The following SMC4 variants were observed in gnomAD, a reference collection of about 807,000 sequenced individuals.
The protein encoded by SMC4 is structural maintenance of chromosomes 4, also known as structural maintenance of chromosomes protein 4.
SMC4 carries 87 observed loss-of-function variants against 145.6 expected under a neutral mutation model. The observed-to-expected ratio is 0.60, with a 90% CI of 0.50 to 0.71. The LOEUF (loss-of-function observed/expected upper bound fraction) is 0.71. SMC4 is among the 30% of genes least tolerant of loss of function. The probability of loss-of-function intolerance (pLI) is 0.00; values close to 1 mark genes in which losing one functional copy is unlikely to be tolerated. For synonymous variants in SMC4, 558 were observed against 500.7 expected (o/e 1.11, Z -1.53); for missense variants, 1,447 against 1,537.1 (o/e 0.94, Z 0.98).
At chr3:160,412,267 T>G (rs1355075767) in intron 6 of SMC4, 59 bp from the exon 7 acceptor site, 1 of 1,504,846 alleles carries the variant, frequency 6.6e-7, no homozygotes, top group African/African-American at 1.4e-5. Flanking sequence ...TTGCATATTT[T>G]AAGTTCATAT....
intron 5 of SMC4, among the ~76,000 whole-genome samples, chr3:160,407,528 G>A (rs1715475331): frequency 6.6e-6 from 1 of 151,998 alleles, no homozygotes; most frequent in African/African-American, 2.4e-5. Flanking sequence ...ACTCCAGCCT[G>A]GGTGACAGAC....
At chr3:160,428,396 GTTAATA>G (rs1263352233) in intron 17 of SMC4, among the ~76,000 whole-genome samples, 1 of 152,146 alleles carries the variant, frequency 6.6e-6, no homozygotes, top group Non-Finnish European at 1.5e-5. Flanking sequence ...TTGTGGGCAA[GTTAATA>G]TTGAGTTAGG....
At chr3:160,408,412 TAA>T (rs1715587692) in intron 5 of SMC4, among the ~76,000 whole-genome samples, 1 of 152,174 alleles carries the variant, frequency 6.6e-6, no homozygotes, top group African/African-American at 2.4e-5. Flanking sequence ...TTCCATAACT[TAA>T]GATAACAGTG....
At position 160,412,079 on chromosome 3, in the gene SMC4, G is replaced by C. The variant is rs376959821; in HGVS notation, c.847G>C (p.Glu283Gln). Residue 283 changes from glutamate (E) to glutamine (Q), a missense_variant, in exon 6 of 24, where the codon GAG (glutamate) becomes CAG (glutamine). By Grantham distance (29) the Glu-to-Gln change is conservative. Transcript: ENST00000357388. ...TGAAATATTAAATGAACACAGAGGA[G>C]AGAAGGTGAATCATCTGTAGACTTT... ...RVEILNEHRG[E>Q]KLNRVKMVEK... The C allele has an allele frequency of 1.1e-5, 17 of 1,611,706 alleles. No individual in the cohort carries two copies. Among genetic ancestry groups the C allele is most frequent in the Non-Finnish European group, 1.3e-5 (15 of 1,179,178 alleles).
At chr3:160,430,788 A>T in intron 19 of SMC4, 45 bp downstream of exon 19, 7 of 1,570,608 alleles carry the variant, frequency 4.5e-6, no homozygotes, top group Non-Finnish European at 5.2e-6. Context: ...TGATACTGGA[A>T]CCAATTTAAA....
At chr3:160,404,975 A>G (rs1715158197) in intron 5 of SMC4, 4 of 291,388 alleles carry the variant, frequency 1.4e-5, no homozygotes, top group Admixed American at 4.9e-5. Context: ...AAAAATCTGT[A>G]CACTTGGTGT....
chr3:160,402,093 G>A lies in SMC4; in HGVS notation c.318G>A (p.Lys106=). ...AGEKILGPFH[K]RFSCIIGPNG... The stretch of plus-strand genomic sequence containing the variant: ...AGAAAATTCTGGGACCTTTCCATAA[G>A]GTATTTGTATGGAAATAACTATTTT... The change falls in exon 3 of 24, where the codon AAG becomes AAA. Residue 106 remains lysine (K), a splice_region_variant and synonymous_variant. Coordinates refer to ENST00000357388, the MANE Select transcript of SMC4 (RefSeq NM_001002800.3). The A allele has an allele frequency of 6.6e-7, 1 of 1,517,630 alleles. No individual in the cohort carries two copies. The allele number at this position is 1,517,630 out of a possible 1,614,324, so 94.0% of individuals were successfully genotyped here.
chr3:160,414,311 G>A (rs749074260), intron 8 of SMC4, 56 bp from the exon 9 acceptor site: 44 of 1,418,352 alleles, frequency 3.1e-5, no homozygotes, highest in Middle Eastern at 1.8e-4. Context: ...AGGAAATGTG[G>A]TTTTAAAATA....
Position 160,417,952 on chromosome 3 carries a change from A to G in SMC4, c.1667A>G (p.Lys556Arg). 1.2e-6 allele frequency: 2 copies of G among 1,607,608 alleles called. No individual in the cohort carries two copies. Among genetic ancestry groups the G allele is most frequent in the Non-Finnish European group, 1.7e-6 (2 of 1,175,902 alleles). ...GKLPQTEQEL[K>R]EKEKELQKLT... Reference sequence around the variant, plus strand: ...CTCCCTCAAACTGAACAAGAATTAAAGGAGGTAAATCTTTGCTTCTCTGTT... The same window carrying G: ...CTCCCTCAAACTGAACAAGAATTAAGGGAGGTAAATCTTTGCTTCTCTGTT... Residue 556 changes from lysine to arginine, a missense_variant, in exon 11 of 24, where the codon AAG becomes AGG. Physicochemically the swap from Lys to Arg is conservative, Grantham distance 26. Transcript: ENST00000357388.
In SMC4 at chr3:160,428,940, C is replaced by G; in HGVS notation, c.2793C>G (p.Asp931Glu). ...TKAQVAIKTA[D>E]RNLQKAQDSV... ...CCCAAGTAGCAATCAAGACTGCTGACAGGTAGAGTATGCATGTTACCCTAA... is the reference window on the plus strand; with the variant it reads ...CCCAAGTAGCAATCAAGACTGCTGAGAGGTAGAGTATGCATGTTACCCTAA... The change falls in exon 18 of 24, where the codon GAC (aspartate) becomes GAG (glutamate). Residue 931 changes from aspartate (D) to glutamate (E), a missense_variant and splice_region_variant. Coordinates refer to ENST00000357388, the MANE Select transcript of SMC4 (RefSeq NM_001002800.3). 1.3e-6 allele frequency: 2 copies of G among 1,582,832 alleles called. No homozygotes were observed. Among genetic ancestry groups the G allele is most frequent in the Non-Finnish European group, 1.7e-6 (2 of 1,172,162 alleles).
intron 13 of SMC4, among the ~76,000 whole-genome samples, chr3:160,422,502 T>G (rs1474487191): frequency 6.6e-6 from 1 of 152,240 alleles, no homozygotes; most frequent in Non-Finnish European, 1.5e-5. Context: ...TGGAGAAATG[T>G]CTGTTTCAAA....
chr3:160,420,365 C>T (rs1477481697), intron 12 of SMC4, among the ~76,000 whole-genome samples: 1 of 152,054 alleles, frequency 6.6e-6, no homozygotes, highest in Non-Finnish European at 1.5e-5. Context: ...CAAAGAAAGC[C>T]CAAACCAGTG....
chr3:160,410,897 CT>C (rs1715921991), intron 5 of SMC4, among the ~76,000 whole-genome samples: 1 of 152,116 alleles, frequency 6.6e-6, no homozygotes, highest in South Asian at 2.1e-4. Context: ...TTTTTGTTGA[CT>C]TTTTTCGTCT....
At chr3:160,419,883 T>C (rs1716986237) in intron 12 of SMC4, among the ~76,000 whole-genome samples, 1 of 152,154 alleles carries the variant, frequency 6.6e-6, no homozygotes, top group Non-Finnish European at 1.5e-5. Context: ...GGCAGAAGGA[T>C]CACTTGAGCC....
intron 4 of SMC4, among the ~76,000 whole-genome samples, chr3:160,403,649 G>A (rs965195057): frequency 2.0e-5 from 3 of 151,804 alleles, no homozygotes; most frequent in African/African-American, 7.3e-5. Context: ...AAGTTGGGTT[G>A]GAAAATAGAT....
intron 4 of SMC4, among the ~76,000 whole-genome samples, 198 bp downstream of exon 4, chr3:160,403,065 G>A (rs1211532406): frequency 6.6e-6 from 1 of 152,128 alleles, no homozygotes; most frequent in Non-Finnish European, 1.5e-5. Flanking sequence ...AAGAAATGAA[G>A]TATAAATAGT....
In SMC4 at chr3:160,404,313, T is replaced by G. The variant is rs1196674882; in HGVS notation, c.511-15T>G. The G allele has an allele frequency of 1.3e-6, 2 of 1,588,782 alleles. No individual in the cohort carries two copies. Among genetic ancestry groups the G allele is most frequent in the Admixed American group, 2.0e-5 (1 of 50,870 alleles). ...ACCAACAATTGTTTTCTGGTTTTGTTTTTCCTCAAAACAGGAAGGGGATGA... is the reference window on the plus strand; with the variant it reads ...ACCAACAATTGTTTTCTGGTTTTGTGTTTCCTCAAAACAGGAAGGGGATGA... On this transcript the variant is annotated splice_polypyrimidine_tract_variant and intron_variant, in intron 4 of 23. Transcript: ENST00000357388.
Position 160,416,301 on chromosome 3 carries a change from A to G in SMC4, c.1323A>G (p.Glu441=), listed in dbSNP as rs760841163. 4.4e-6 allele frequency: 7 copies of G among 1,601,838 alleles called. No homozygotes were observed. The East Asian group carries it at 1.6e-4, about 36-fold the overall frequency. The change falls in exon 10 of 24, where the codon GAA becomes GAG. Residue 441 remains glutamate, a synonymous_variant. Transcript: ENST00000357388. ...CCAAGAGTAACAATATCATTAATGA[A>G]ACAACAACCAGAAACAATGCCCTCG... ...IPAKSNNIIN[E]TTTRNNALEK...
At position 160,431,146 on chromosome 3, in the gene SMC4, GAACA is replaced by G. The variant is rs1560015905; in HGVS notation, c.3058_3061del (p.Gln1020Ter). ...TGCACTTAGTATTAAGTTGAAACTT[GAACA>G]AATAGATGGTCACATTGCTGAACAT... is the stretch of plus-strand genomic sequence containing the variant. On this transcript the variant is annotated frameshift_variant, in exon 20 of 24. Transcript: ENST00000357388. LOFTEE classifies it high-confidence loss of function. The G allele has an allele frequency of 2.5e-6, 4 of 1,603,628 alleles. No individual in the cohort carries two copies. The highest frequency in any genetic ancestry group is 1.3e-5 in the African/African-American group (1 of 74,372).
Sources: gnomAD v4.1 joint callset for allele counts (sites outside exome capture counted in the v4.1 genomes callset) on GRCh38, gnomAD v4.1.1 for gene constraint, MANE v1.5 for transcripts, NCBI Gene and HGNC (gene_info 2026-07-23, HGNC 2026-07-21) for gene names.